PARP8: variants seen among roughly 807,000 people sequenced by gnomAD.
PARP8 encodes protein mono-ADP-ribosyltransferase PARP8.
PARP8 carries 51 observed loss-of-function variants against 124.1 expected under a neutral mutation model. The observed-to-expected ratio is 0.41, with a 90% CI of 0.33 to 0.52. The LOEUF (loss-of-function observed/expected upper bound fraction) is 0.52, where lower values mean the gene tolerates loss of function less well. PARP8 is among the 20% of genes least tolerant of loss of function. The pLI is 0.21. For missense variants in PARP8, 860 were observed against 1,018.9 expected, an observed-to-expected ratio of 0.84 and a Z score of 2.12; for synonymous variants, 391 against 361.5, an observed-to-expected ratio of 1.08 and a Z score of -0.93.
intron 2 of PARP8, among the ~76,000 whole-genome samples, chr5:50,719,679 T>A (rs1755676182): frequency 6.6e-6 from 1 of 152,160 alleles, no homozygotes. Context: ...CATCCAAATA[T>A]TGGCGGTGTT....
At chr5:50,779,223 G>A (rs756829571) in intron 9 of PARP8, among the ~76,000 whole-genome samples, 10 of 150,596 alleles carry the variant, frequency 6.6e-5, no homozygotes, top group East Asian at 2.0e-4. Context: ...GCACACACAC[G>A]CATGCACACA....
intron 14 of PARP8, among the ~76,000 whole-genome samples, chr5:50,809,178 C>G (rs1211346853): frequency 6.6e-6 from 1 of 152,046 alleles, no homozygotes; most frequent in Non-Finnish European, 1.5e-5. Flanking sequence ...GGGATTCTCT[C>G]TCTCTCAATG....
chr5:50,768,769 C>T (rs1736827892), intron 7 of PARP8, among the ~76,000 whole-genome samples: 1 of 152,136 alleles, frequency 6.6e-6, no homozygotes, highest in Non-Finnish European at 1.5e-5. Flanking sequence ...GATATAGAAG[C>T]AATCCTGATG....
chr5:50,730,212 A>G (rs1396618737), intron 2 of PARP8, among the ~76,000 whole-genome samples: 2 of 151,974 alleles, frequency 1.3e-5, no homozygotes, highest in East Asian at 3.9e-4. Flanking sequence ...CAATTTTTTT[A>G]GTTAATCTGT....
At chr5:50,696,261 A>C (rs1322578366) in intron 2 of PARP8, among the ~76,000 whole-genome samples, 1 of 152,196 alleles carries the variant, frequency 6.6e-6, no homozygotes, top group African/African-American at 2.4e-5. Flanking sequence ...AAATACATTA[A>C]ATCAGAATTT....
At chr5:50,694,290 T>A (rs191734875) in intron 2 of PARP8, among the ~76,000 whole-genome samples, 2 of 152,330 alleles carry the variant, frequency 1.3e-5, no homozygotes, top group Admixed American at 6.5e-5. Context: ...GTGTGGGATA[T>A]TAGAATTCTT....
At chr5:50,754,046 A>AG (rs1389594944) in intron 3 of PARP8, among the ~76,000 whole-genome samples, 1 of 145,558 alleles carries the variant, frequency 6.9e-6, no homozygotes, top group African/African-American at 2.6e-5. Flanking sequence ...AGAGGTTTTC[A>AG]GAAAAAAAAA....
At chr5:50,796,666 G>A (rs1252698340) in intron 12 of PARP8, among the ~76,000 whole-genome samples, 3 of 152,178 alleles carry the variant, frequency 2.0e-5, no homozygotes, top group African/African-American at 7.2e-5. Flanking sequence ...GAAGAGGTAT[G>A]AGCATTTGCT....
intron 2 of PARP8, among the ~76,000 whole-genome samples, chr5:50,730,101 C>T (rs1756827871): frequency 6.6e-6 from 1 of 152,172 alleles, no homozygotes; most frequent in Admixed American, 6.5e-5. Flanking sequence ...AGTTCCTCTT[C>T]TAAAATTGAA....
At chr5:50,786,649 T>A (rs1225946767) in intron 9 of PARP8, among the ~76,000 whole-genome samples, 1 of 152,004 alleles carries the variant, frequency 6.6e-6, no homozygotes, top group Non-Finnish European at 1.5e-5. Flanking sequence ...GTTACAGGCA[T>A]GAGCCACTGT....
intron 2 of PARP8, chr5:50,741,846 TG>T (rs1344649578): frequency 2.3e-6 from 1 of 441,166 alleles, no homozygotes; most frequent in Admixed American, 2.5e-5. Flanking sequence ...ATTTCATTCT[TG>T]TTGCCCAGGC....
At chr5:50,768,305 G>A (rs1166371581) in intron 7 of PARP8, among the ~76,000 whole-genome samples, 1 of 151,772 alleles carries the variant, frequency 6.6e-6, no homozygotes, top group African/African-American at 2.4e-5. Context: ...TAACACAGTG[G>A]CTCAAAGTCC....
chr5:50,726,061 G>T (rs1288530756), intron 2 of PARP8, among the ~76,000 whole-genome samples: 1 of 151,760 alleles, frequency 6.6e-6, no homozygotes. Flanking sequence ...CTTTATATGT[G>T]GTTATTCCAC....
intron 14 of PARP8, among the ~76,000 whole-genome samples, chr5:50,810,429 G>T (rs953436092): frequency 2.0e-5 from 3 of 152,040 alleles, no homozygotes; most frequent in African/African-American, 7.2e-5. Flanking sequence ...AAATGACTAT[G>T]TGCGTTTTGA....
At chr5:50,703,977 G>A (rs931298733) in intron 2 of PARP8, among the ~76,000 whole-genome samples, 3 of 151,812 alleles carry the variant, frequency 2.0e-5, no homozygotes, top group South Asian at 2.1e-4. Flanking sequence ...GCTATATACA[G>A]CAAGATATAA....
intron 5 of PARP8, among the ~76,000 whole-genome samples, chr5:50,760,752 G>A (rs1309543154): frequency 6.6e-6 from 1 of 152,026 alleles, no homozygotes; most frequent in African/African-American, 2.4e-5. Context: ...AAGTAACACT[G>A]AGGTTGTACA....
chr5:50,688,758 T>C (rs565725107), intron 2 of PARP8, among the ~76,000 whole-genome samples: 1 of 152,332 alleles, frequency 6.6e-6, no homozygotes, highest in African/African-American at 2.4e-5. Flanking sequence ...GTATTTAAAT[T>C]CTTTACTGAA....
intron 2 of PARP8, among the ~76,000 whole-genome samples, chr5:50,683,708 A>G (rs1751540900): frequency 6.6e-6 from 1 of 152,032 alleles, no homozygotes; most frequent in South Asian, 2.1e-4. Flanking sequence ...GTTTTTTTCT[A>G]TATTGTAATC....
At position 50,778,070 on chromosome 5, in the gene PARP8, G is replaced by A; in HGVS notation, c.520G>A (p.Glu174Lys). The A allele has an allele frequency of 6.2e-7, 1 of 1,603,436 alleles. No homozygotes were observed. The highest frequency in any genetic ancestry group is 8.5e-7 in the Non-Finnish European group (1 of 1,176,296). The change falls in exon 8 of 26, where the codon GAA (glutamate) becomes AAA (lysine). Residue 174 changes from glutamate to lysine, a missense_variant and splice_region_variant. Around this residue, in one of 2 missense-constraint regions of PARP8, gnomAD observed 517 missense variants for 544.2 expected, o/e 0.95. Coordinates refer to ENST00000281631, the MANE Select transcript of PARP8 (RefSeq NM_024615.4). ...IYGPHAVSLREYGAIDDVDID... is the reference protein window; with the variant it reads ...IYGPHAVSLRKYGAIDDVDID... ...AACAGTGTTAATTTTTGCTTTCAGGGAATATGGAGCCATTGATGATGTAGA... is the reference window on the plus strand; with the variant it reads ...AACAGTGTTAATTTTTGCTTTCAGGAAATATGGAGCCATTGATGATGTAGA...
Sources: gnomAD v4.1 joint callset for allele counts (sites outside exome capture counted in the v4.1 genomes callset) on GRCh38, gnomAD v4.1.1 for gene constraint, gnomAD v4.1.1 regional missense constraint, MANE v1.5 for transcripts, NCBI Gene and HGNC (gene_info 2026-07-23, HGNC 2026-07-21) for gene names.